Variants in ITSN2 observed in about 807,000 individuals in gnomAD.
ITSN2 encodes the protein intersectin-2.
Under a neutral mutation model 243.7 loss-of-function variants are expected in ITSN2, and 156 were observed. The ratio of observed to expected loss-of-function variants is 0.64; its 90% CI spans 0.56 to 0.73. ITSN2 has a LOEUF of 0.73. Ranked by LOEUF, ITSN2 falls within the 30% of genes least tolerant of loss-of-function variation. ITSN2 has a pLI of 0.00. For missense variants in ITSN2, 1,801 were observed against 1,996.1 expected (o/e 0.90, Z 1.86); for synonymous variants, 703 against 699.9 (o/e 1.00, Z -0.07).
intron 29 of ITSN2, among the ~76,000 whole-genome samples, chr2:24,224,001 AAC>A (rs1670775465): frequency 6.6e-6 from 1 of 151,980 alleles, no homozygotes; most frequent in African/African-American, 2.4e-5. Flanking sequence ...TGCAGAGGGT[AAC>A]TGAGTGTTAA....
intron 18 of ITSN2, among the ~76,000 whole-genome samples, chr2:24,274,236 T>G (rs1677737315): frequency 6.6e-6 from 1 of 152,088 alleles, no homozygotes; most frequent in African/African-American, 2.4e-5. Flanking sequence ...TTTCTCTACT[T>G]CTATATTATT....
chr2:24,313,932 C>T (rs1450476514), intron 3 of ITSN2, among the ~76,000 whole-genome samples: 1 of 152,146 alleles, frequency 6.6e-6, no homozygotes, highest in Non-Finnish European at 1.5e-5. Flanking sequence ...CTCTGTATAC[C>T]AATAATGTAA....
chr2:24,208,206 G>A (rs1478470425), intron 37 of ITSN2, 31 bp downstream of exon 37: 1 of 1,584,878 alleles, frequency 6.3e-7, no homozygotes. Context: ...GCCCCTGGGG[G>A]CTGCGTCCCA....
At chr2:24,320,957 A>G (rs1471543976) in intron 2 of ITSN2, among the ~76,000 whole-genome samples, 1 of 152,186 alleles carries the variant, frequency 6.6e-6, no homozygotes, top group African/African-American at 2.4e-5. Context: ...CCGTTTTGTC[A>G]GATTAATCGG....
intron 24 of ITSN2, 95 bp downstream of exon 24, chr2:24,254,272 T>C (rs1674736771): frequency 2.4e-6 from 2 of 825,726 alleles, no homozygotes; most frequent in Admixed American, 1.8e-5. Flanking sequence ...GGGGAGAATA[T>C]GCAACTATGT....
At chr2:24,318,684 C>T (rs1329735404) in intron 2 of ITSN2, among the ~76,000 whole-genome samples, 1 of 152,182 alleles carries the variant, frequency 6.6e-6, no homozygotes, top group Non-Finnish European at 1.5e-5. Flanking sequence ...CAGGATTCTA[C>T]TCTGACCACT....
At chr2:24,226,305 T>C (rs1217850772) in intron 29 of ITSN2, among the ~76,000 whole-genome samples, 1 of 152,222 alleles carries the variant, frequency 6.6e-6, no homozygotes, top group African/African-American at 2.4e-5. Context: ...TCTGTTCTAT[T>C]TGGCCTCTGC....
At chr2:24,282,036 C>T (rs1228184872) in intron 17 of ITSN2, among the ~76,000 whole-genome samples, 2 of 152,214 alleles carry the variant, frequency 1.3e-5, no homozygotes, top group East Asian at 3.9e-4. Context: ...CTGGCTAGGG[C>T]TTCAGCCTCG....
At chr2:24,282,116 G>C (rs1678859960) in intron 17 of ITSN2, among the ~76,000 whole-genome samples, 1 of 152,180 alleles carries the variant, frequency 6.6e-6, no homozygotes, top group Non-Finnish European at 1.5e-5. Flanking sequence ...CATCTTCCAA[G>C]ACCACCCTGG....
At chr2:24,222,800 T>C (rs1475742405) in intron 29 of ITSN2, among the ~76,000 whole-genome samples, 1 of 150,512 alleles carries the variant, frequency 6.6e-6, no homozygotes, top group African/African-American at 2.4e-5. Context: ...CTCAGCCTCC[T>C]GAGTGGCTGG....
In ITSN2 at chr2:24,209,811, T is replaced by C; in HGVS notation, c.4473+7A>G. 2 of 1,611,020 alleles carry C rather than the reference T, an allele frequency of 1.2e-6. No homozygotes were observed. The highest frequency in any genetic ancestry group is 1.7e-6 in the Non-Finnish European group (2 of 1,177,058). ...CCTGATGCTACCCCCAGACGCGTGA[T>C]ACTCACCGTTTTATACATTTTGAAT... On this transcript the variant is annotated splice_region_variant and intron_variant, in intron 35 of 39. Coordinates refer to ENST00000355123, the MANE Select transcript of ITSN2 (RefSeq NM_006277.3).
In ITSN2 at chr2:24,308,621, G is replaced by A; in HGVS notation, c.789C>T (p.Leu263=). ...NTLDKSMSGY[L]SGFQARNALL... ...TCAGCACTGTATGCTGCTTACCTGAGAGATATCCACTCATACTTTTGTCAA... is the reference window on the plus strand; with the variant it reads ...TCAGCACTGTATGCTGCTTACCTGAAAGATATCCACTCATACTTTTGTCAA... The change falls in exon 8 of 40, where the codon CTC becomes CTT. Residue 263 remains leucine, a synonymous_variant. Coordinates refer to ENST00000355123, the MANE Select transcript of ITSN2 (RefSeq NM_006277.3). 1.3e-6 allele frequency: 2 copies of A among 1,495,822 alleles called. No individual in the cohort carries two copies. Among genetic ancestry groups the A allele is most frequent in the Non-Finnish European group, 1.8e-6 (2 of 1,118,382 alleles). 92.7% of individuals were successfully genotyped at this position (1,495,822 alleles called of 1,614,324 possible).
rs184065623 is a variant in ITSN2, at chr2:24,212,712, G to A, written c.4027C>T (p.Leu1343Phe). Residue 1343 changes from leucine (L) to phenylalanine (F), a missense_variant, in exon 33 of 40, where the codon CTC becomes TTC. Coordinates refer to ENST00000355123, the MANE Select transcript of ITSN2 (RefSeq NM_006277.3). ...ASDPRCKGMP[L>F]SSFLLKPMQR... ...ATGGGTTTCAGCAGGAAGCTGGAGA[G>A]GGGCATTCCTTTACACCGCGGGTCA... The A allele has an allele frequency of 1.3e-5, 21 of 1,613,862 alleles. No individual in the cohort carries two copies. Among genetic ancestry groups the A allele is most frequent in the Non-Finnish European group, 1.7e-5 (20 of 1,179,976 alleles).
At chr2:24,222,531 G>C (rs1437296195) in intron 29 of ITSN2, among the ~76,000 whole-genome samples, 1 of 151,900 alleles carries the variant, frequency 6.6e-6, no homozygotes, top group Non-Finnish European at 1.5e-5. Flanking sequence ...TGATTCTCAC[G>C]GCCAAGGATA....
At chr2:24,353,372 G>A (rs1329815288) in intron 1 of ITSN2, among the ~76,000 whole-genome samples, 3 of 152,138 alleles carry the variant, frequency 2.0e-5, no homozygotes, top group African/African-American at 4.8e-5. Context: ...GAGTGGGGGC[G>A]AATCGTCTGA....
chr2:24,241,359 T>C (rs866511700), intron 29 of ITSN2: 1 of 152,122 alleles, frequency 6.6e-6, no homozygotes, highest in African/African-American at 2.4e-5. Context: ...AAATAATCCC[T>C]TTATAGGTCA....
chr2:24,245,817 AC>A (rs1673295986), intron 29 of ITSN2, among the ~76,000 whole-genome samples: 1 of 152,134 alleles, frequency 6.6e-6, no homozygotes, highest in African/African-American at 2.4e-5. Context: ...AGAACATGGG[AC>A]ACTGAAAAAG....
intron 2 of ITSN2, among the ~76,000 whole-genome samples, chr2:24,326,025 T>G (rs1420676470): frequency 6.6e-6 from 1 of 152,128 alleles, no homozygotes; most frequent in African/African-American, 2.4e-5. Flanking sequence ...TTTAACAATC[T>G]ATGTCAGGAT....
intron 1 of ITSN2, among the ~76,000 whole-genome samples, chr2:24,350,881 A>G (rs1455753155): frequency 6.6e-6 from 1 of 152,236 alleles, no homozygotes; most frequent in Non-Finnish European, 1.5e-5. Context: ...CATTGGGTAT[A>G]GGAGGTTCTT....
Sources: gnomAD v4.1 joint callset for allele counts (sites outside exome capture counted in the v4.1 genomes callset) on GRCh38, gnomAD v4.1.1 for gene constraint, MANE v1.5 for transcripts, NCBI Gene and HGNC (gene_info 2026-07-23, HGNC 2026-07-21) for gene names.